FGF14: variants seen among roughly 807,000 people sequenced by gnomAD.
The protein encoded by FGF14 is fibroblast growth factor homologous factor 4.
FGF14 carries 5 observed loss-of-function variants against 25.5 expected under a neutral mutation model. The observed-to-expected ratio is 0.20, with a 90% CI of 0.10 to 0.41. The LOEUF (loss-of-function observed/expected upper bound fraction) is 0.41. Ranked by LOEUF, FGF14 falls within the 10% of genes least tolerant of loss-of-function variation. The pLI is 1.00. For missense variants in FGF14, 222 were observed against 320.1 expected (o/e 0.69, Z 2.34); for synonymous variants, 138 against 118.3 (o/e 1.17, Z -1.08).
upstream of FGF14, among the ~76,000 whole-genome samples, chr13:101,920,536 G>C (rs566248793): frequency 6.6e-6 from 1 of 152,120 alleles, no homozygotes; most frequent in Admixed American, 6.5e-5. Flanking sequence ...TACCACATCT[G>C]GTGCACCCTA....
intron 1 of FGF14, among the ~76,000 whole-genome samples, chr13:102,334,608 C>T (rs771421846): frequency 3.9e-5 from 6 of 152,098 alleles, no homozygotes; most frequent in Non-Finnish European, 8.8e-5. Context: ...CAAAGAAATG[C>T]CAATCACTAC....
chr13:101,729,852 T>C (rs978628736), intron 3 of FGF14, among the ~76,000 whole-genome samples: 1 of 152,196 alleles, frequency 6.6e-6, no homozygotes, highest in African/African-American at 2.4e-5. Context: ...GTCATTCATT[T>C]CACTGAAAAA....
chr13:102,157,901 C>T (rs1039837162), intron 1 of FGF14, among the ~76,000 whole-genome samples: 8 of 152,122 alleles, frequency 5.3e-5, no homozygotes, highest in South Asian at 2.1e-4. Context: ...ATTTATGCAG[C>T]CAAAAGACAC....
At chr13:102,096,064 T>C (rs773420509) in intron 1 of FGF14, among the ~76,000 whole-genome samples, 10 of 150,910 alleles carry the variant, frequency 6.6e-5, no homozygotes, top group East Asian at 1.9e-4. Context: ...TTGTATCTTA[T>C]TCAAAGTTAT....
At chr13:102,286,115 G>A (rs2054084245) in intron 1 of FGF14, among the ~76,000 whole-genome samples, 1 of 151,792 alleles carries the variant, frequency 6.6e-6, no homozygotes, top group African/African-American at 2.4e-5. Context: ...AGGGAGGTAA[G>A]TAGTCTCGTT....
chr13:102,019,666 A>G (rs570749530), intron 1 of FGF14, among the ~76,000 whole-genome samples: 1 of 152,290 alleles, frequency 6.6e-6, no homozygotes, highest in South Asian at 2.1e-4. Context: ...CCAAAATGAG[A>G]TGTTCTAAGC....
Position 101,756,870 on chromosome 13 carries a change from T to C in FGF14, c.409-30060A>G, listed in dbSNP as rs10161720. Among the ~76,000 whole-genome samples, 957 of 152,326 alleles carry C rather than the reference T, an allele frequency of 6.3e-3. 10 individuals are homozygous for C. The highest frequency in any genetic ancestry group is 0.022 in the African/African-American group (922 of 41,566). On this transcript the variant is annotated intron_variant, in intron 3 of 4. Transcript: ENST00000376143. Reference sequence around the variant, plus strand: ...CCCAGATTTTTTCTGTCAATAATTATTAAAGATCAAATTTTAAAAAATTAA... The same window carrying C: ...CCCAGATTTTTTCTGTCAATAATTACTAAAGATCAAATTTTAAAAAATTAA...
chr13:101,969,437 T>C lies in FGF14; in HGVS notation c.209-94141A>G, dbSNP rs149095134. ...AAAAAAGAAATGGTATAGTCTAGTGTTTCTGGCTGTTAGTCATTGGTAAAG... is the reference window on the plus strand; with the variant it reads ...AAAAAAGAAATGGTATAGTCTAGTGCTTCTGGCTGTTAGTCATTGGTAAAG... On this transcript the variant is annotated intron_variant, in intron 1 of 4. Coordinates refer to the FGF14 transcript ENST00000376131. 8.3e-4 allele frequency among the ~76,000 whole-genome samples: 126 copies of C among 152,266 alleles called. 3 individuals are homozygous for C. The highest frequency in any genetic ancestry group is 2.9e-3 in the African/African-American group (122 of 41,552).
chr13:101,943,814 A>C (rs796325962), intron 1 of FGF14, among the ~76,000 whole-genome samples: 2,239 of 81,608 alleles, frequency 0.027, 86 homozygotes, highest in African/African-American at 0.13. Flanking sequence ...TCTCTACTTA[A>C]AAAAAAAAAA....
chr13:101,802,168 C>T (rs76071787), intron 3 of FGF14: 4,170 of 255,336 alleles, frequency 0.016, 188 homozygotes, highest in African/African-American at 0.087. Flanking sequence ...GAATTCTTTC[C>T]GTTCTGTTCA....
At chr13:102,230,380 G>C (rs1289377509) in intron 1 of FGF14, among the ~76,000 whole-genome samples, 1 of 152,142 alleles carries the variant, frequency 6.6e-6, no homozygotes, top group African/African-American at 2.4e-5. Flanking sequence ...TTGTCCTTAA[G>C]GAGCTCCCTG....
intron 1 of FGF14, among the ~76,000 whole-genome samples, chr13:102,265,177 CA>C (rs1317417951): frequency 5.9e-5 from 9 of 152,152 alleles, no homozygotes; most frequent in African/African-American, 1.9e-4. Context: ...AACTTCCCTC[CA>C]AAACAAGGTC....
At chr13:102,232,210 A>G (rs2051116078) in intron 1 of FGF14, among the ~76,000 whole-genome samples, 1 of 152,204 alleles carries the variant, frequency 6.6e-6, no homozygotes, top group South Asian at 2.1e-4. Context: ...TTAAATGTTT[A>G]ACATGTTTTT....
chr13:101,756,985 A>G (rs2037711704), intron 3 of FGF14, among the ~76,000 whole-genome samples: 2 of 152,196 alleles, frequency 1.3e-5, no homozygotes, highest in Non-Finnish European at 2.9e-5. Context: ...ACTACAAAAA[A>G]ATATTTATTG....
intron 3 of FGF14, among the ~76,000 whole-genome samples, chr13:101,826,406 A>G (rs1181009374): frequency 6.6e-6 from 1 of 152,090 alleles, no homozygotes; most frequent in Non-Finnish European, 1.5e-5. Flanking sequence ...TTTTGAGTAG[A>G]CCGATCAGAC....
chr13:102,119,502 A>AT (rs1364834238), intron 1 of FGF14, among the ~76,000 whole-genome samples: 2 of 152,210 alleles, frequency 1.3e-5, no homozygotes, highest in Non-Finnish European at 2.9e-5. Context: ...CTAAGAAAGT[A>AT]TTTTTTAATA....
At chr13:102,039,942 G>C (rs1322270813) in intron 1 of FGF14, among the ~76,000 whole-genome samples, 2 of 150,956 alleles carry the variant, frequency 1.3e-5, no homozygotes, top group East Asian at 4.0e-4. Context: ...CTGCCATTGA[G>C]ACACAAAGCA....
chr13:102,011,834 C>T (rs1386101840), intron 1 of FGF14, among the ~76,000 whole-genome samples: 1 of 152,154 alleles, frequency 6.6e-6, no homozygotes, highest in African/African-American at 2.4e-5. Context: ...CTCCAGCTCA[C>T]CCATCTGCCA....
At chr13:101,809,540 A>G (rs1301675035) in intron 3 of FGF14, among the ~76,000 whole-genome samples, 2 of 152,204 alleles carry the variant, frequency 1.3e-5, no homozygotes, top group African/African-American at 2.4e-5. Flanking sequence ...ACTATTACCA[A>G]TTGAGAGGAC....
Sources: allele counts gnomAD v4.1 joint callset (sites outside exome capture counted in the v4.1 genomes callset), GRCh38; gene constraint gnomAD v4.1.1; transcripts MANE v1.5; gene names NCBI Gene and HGNC (gene_info 2026-07-23, HGNC 2026-07-21).